Variants in MARCHF8 observed in about 807,000 individuals in gnomAD.
MARCHF8 encodes membrane associated ring-CH-type finger 8.
Under a neutral mutation model 51.6 loss-of-function variants are expected in MARCHF8, and 40 were observed. That is an observed-to-expected ratio of 0.77 (90% CI 0.60 to 1.01). The LOEUF is 1.01. Among genes scored for constraint, MARCHF8 ranks in the 50% least tolerant of loss-of-function variants. The pLI is 0.00. For missense variants in MARCHF8, 685 were observed against 708.6 expected, an observed-to-expected ratio of 0.97 and a Z score of 0.38; for synonymous variants, 263 against 280.3, an observed-to-expected ratio of 0.94 and a Z score of 0.62.
chr10:45,533,309 G>T lies in MARCHF8; in HGVS notation c.-78-20C>A. On this transcript the variant is annotated intron_variant, in intron 1 of 7. Transcript: ENST00000453424. ...TTCAAGCTGAGAGAAAATGAAGAGAGAATAAACATAACTCAGCTAAAACAC... is the reference window on the plus strand; with the variant it reads ...TTCAAGCTGAGAGAAAATGAAGAGATAATAAACATAACTCAGCTAAAACAC... The T allele has an allele frequency of 7.1e-7, 1 of 1,400,852 alleles. No individual in the cohort carries two copies. Among genetic ancestry groups the T allele is most frequent in the Non-Finnish European group, 9.3e-7 (1 of 1,071,514 alleles). The allele number at this position is 1,400,852 out of a possible 1,614,324, so 86.8% of individuals were successfully genotyped here.
chr10:45,487,110 T>C (rs1443176272), intron 3 of MARCHF8, among the ~76,000 whole-genome samples: 1 of 152,088 alleles, frequency 6.6e-6, no homozygotes, highest in East Asian at 1.9e-4. Flanking sequence ...CACGCCTGGC[T>C]TACCCTACTT....
intron 2 of MARCHF8, among the ~76,000 whole-genome samples, chr10:45,529,351 T>C (rs1418751134): frequency 6.6e-6 from 1 of 152,132 alleles, no homozygotes; most frequent in Non-Finnish European, 1.5e-5. Flanking sequence ...ACCTGAAAGA[T>C]CTGAAACTAT....
intron 2 of MARCHF8, among the ~76,000 whole-genome samples, chr10:45,521,224 T>C (rs2043700133): frequency 6.6e-6 from 1 of 152,216 alleles, no homozygotes; most frequent in African/African-American, 2.4e-5. Flanking sequence ...AATACCTTCA[T>C]TTTGAAGCCT....
rs1331866000 is a variant in MARCHF8 at position 45,548,698 on chromosome 10, A to C, written c.-78-15409T>G. On this transcript the variant is annotated intron_variant, in intron 1 of 6. Transcript: ENST00000319836. Reference sequence around the variant, plus strand: ...ACTTGGAAAACACCTTCAATCCATCAAGCACAGAAATAGTCTGCGTTTGGC... The same window carrying C: ...ACTTGGAAAACACCTTCAATCCATCCAGCACAGAAATAGTCTGCGTTTGGC... Among the ~76,000 whole-genome samples, 3 of 152,162 alleles carry C rather than the reference A, an allele frequency of 2.0e-5. No individual in the cohort carries two copies. In the East Asian group the frequency reaches 5.8e-4, roughly 29 times the overall value.
intron 1 of MARCHF8, among the ~76,000 whole-genome samples, chr10:45,566,478 A>G (rs575744763): frequency 1.3e-5 from 2 of 152,100 alleles, no homozygotes; most frequent in Non-Finnish European, 2.9e-5. Flanking sequence ...CATGAGTTCA[A>G]TTGTCTTGAT....
At chr10:45,504,592 T>A (rs2043346417) in intron 2 of MARCHF8, among the ~76,000 whole-genome samples, 1 of 152,212 alleles carries the variant, frequency 6.6e-6, no homozygotes, top group South Asian at 2.1e-4. Context: ...AAGCTAGCAC[T>A]GGATATTGGA....
intron 2 of MARCHF8, among the ~76,000 whole-genome samples, chr10:45,491,113 C>G (rs1263961742): frequency 6.6e-6 from 1 of 152,150 alleles, no homozygotes; most frequent in Non-Finnish European, 1.5e-5. Flanking sequence ...TGCCCAGGCT[C>G]AACTCCTGGC....
At chr10:45,503,124 C>G (rs757997443) in intron 2 of MARCHF8, among the ~76,000 whole-genome samples, 5 of 152,124 alleles carry the variant, frequency 3.3e-5, no homozygotes, top group Admixed American at 2.6e-4. Context: ...TATTTTGTAA[C>G]TCATTTTTTA....
At chr10:45,590,244 G>C (rs369964331) in intron 1 of MARCHF8, among the ~76,000 whole-genome samples, 1 of 152,078 alleles carries the variant, frequency 6.6e-6, no homozygotes, top group African/African-American at 2.4e-5. Context: ...GTGCTTACTG[G>C]CTATTTGTAT....
At position 45,489,421 on chromosome 10, in the gene MARCHF8, C is replaced by A. The variant is rs779013571; in HGVS notation, c.103-4G>T. 1 of 1,610,210 alleles carries A rather than the reference C, an allele frequency of 6.2e-7. No homozygotes were observed. Among genetic ancestry groups the A allele is most frequent in the African/African-American group, 1.3e-5 (1 of 74,722 alleles). On this transcript the variant is annotated splice_region_variant and splice_polypyrimidine_tract_variant and intron_variant, in intron 2 of 7. Coordinates refer to ENST00000453424, the MANE Select transcript of MARCHF8 (RefSeq NM_001282866.2). ...AATGTCCCAAAGTCTTCTCATTCTG[C>A]AAGAAAATCAAACAGGTTTTAATTA...
chr10:45,473,258 G>C (rs2042727451), intron 3 of MARCHF8, among the ~76,000 whole-genome samples: 2 of 152,176 alleles, frequency 1.3e-5, no homozygotes, highest in Non-Finnish European at 2.9e-5. Context: ...CCAAGCAATA[G>C]AGCAATCATT....
chr10:45,543,574 G>A (rs1442575086), intron 1 of MARCHF8, among the ~76,000 whole-genome samples: 2 of 151,926 alleles, frequency 1.3e-5, no homozygotes, highest in East Asian at 1.9e-4. Flanking sequence ...CGAGGCAGGC[G>A]GATCACAAGG....
intron 1 of MARCHF8, among the ~76,000 whole-genome samples, chr10:45,572,517 T>C (rs2044442306): frequency 6.6e-6 from 1 of 152,202 alleles, no homozygotes; most frequent in Non-Finnish European, 1.5e-5. Context: ...CGGCTCTAAA[T>C]GGCCAGAAAA....
rs896702855 is a variant in MARCHF8, at chr10:45,574,095, C to T, written c.-79+20140G>A. Among the ~76,000 whole-genome samples the T allele has an allele frequency of 3.3e-3, 14 of 4,210 alleles. No individual in the cohort carries two copies. In the Non-Finnish European group the frequency reaches 0.12, roughly 37 times the overall value. The allele number at this position is 4,210 out of a possible 152,430, so 2.8% of individuals were successfully genotyped here. ...CCCCTTGTATCTCCCCACCTTAAAC[C>T]GTAGTATAGTATACCTCTACTCCCT... On this transcript the variant is annotated intron_variant, in intron 1 of 6. Transcript: ENST00000319836.
At chr10:45,546,862 T>A (rs2044129933) in intron 1 of MARCHF8, among the ~76,000 whole-genome samples, 1 of 151,488 alleles carries the variant, frequency 6.6e-6, no homozygotes, top group South Asian at 2.1e-4. Flanking sequence ...TACAAACATA[T>A]CCCACAGACT....
chr10:45,560,234 A>C (rs2044294340), intron 1 of MARCHF8, among the ~76,000 whole-genome samples: 5 of 152,230 alleles, frequency 3.3e-5, no homozygotes, highest in Admixed American at 2.6e-4. Flanking sequence ...GAGATCCATC[A>C]GGGTGGTAGG....
At chr10:45,486,322 T>A (rs374637993) in intron 3 of MARCHF8, among the ~76,000 whole-genome samples, 5 of 152,242 alleles carry the variant, frequency 3.3e-5, no homozygotes, top group South Asian at 2.1e-4. Context: ...TCCTAGCACT[T>A]TGGGAGGCCA....
intron 1 of MARCHF8, among the ~76,000 whole-genome samples, chr10:45,569,611 G>GA (rs920805070): frequency 9.2e-5 from 14 of 152,154 alleles, no homozygotes; most frequent in African/African-American, 3.1e-4. Flanking sequence ...TATGAGAGCT[G>GA]AAACAGGAGG....
intron 6 of MARCHF8, 172 bp downstream of exon 6, chr10:45,461,059 G>C: frequency 2.3e-6 from 1 of 442,374 alleles, no homozygotes; most frequent in Non-Finnish European, 3.9e-6. Flanking sequence ...CTGAGAAGAG[G>C]GACTTGAAAA....
Sources: gnomAD v4.1 joint callset for allele counts (sites outside exome capture counted in the v4.1 genomes callset) on GRCh38, gnomAD v4.1.1 for gene constraint, MANE v1.5 for transcripts, NCBI Gene and HGNC (gene_info 2026-07-23, HGNC 2026-07-21) for gene names.